The following ELFN1 variants were observed in gnomAD, a reference collection of about 807,000 sequenced individuals.
ELFN1 encodes extracellular leucine rich repeat and fibronectin type III domain containing 1.
A neutral mutation model predicts 7.6 loss-of-function variants in ELFN1; 6 were observed. The observed-to-expected ratio is 0.79, with a 90% confidence interval of 0.43 to 1.56. ELFN1 has a LOEUF of 1.56. ELFN1 is among the 40% of genes most tolerant of loss of function. The pLI is 0.01. For missense variants in ELFN1, 1,169 were observed against 1,232.2 expected (o/e 0.95, Z 0.77); for synonymous variants, 657 against 588.1 (o/e 1.12, Z -1.70).
intron 1 of ELFN1, among the ~76,000 whole-genome samples, chr7:1,685,775 T>C: frequency 6.7e-6 from 1 of 149,122 alleles, no homozygotes; most frequent in Non-Finnish European, 1.5e-5. Context: ...ATATAAACCG[T>C]TGAAAGATTT....
At chr7:1,723,684 G>A (rs538193233) in intron 3 of ELFN1, among the ~76,000 whole-genome samples, 3 of 152,238 alleles carry the variant, frequency 2.0e-5, no homozygotes, top group South Asian at 2.1e-4. Flanking sequence ...CGTGGGCCAC[G>A]AGCATCTTTG....
chr7:1,737,298 T>C (rs948475767), intron 3 of ELFN1, among the ~76,000 whole-genome samples: 2 of 152,044 alleles, frequency 1.3e-5, no homozygotes, highest in African/African-American at 4.8e-5. Context: ...GGCCCCGTGG[T>C]TCCTAGATGT....
upstream of ELFN1, among the ~76,000 whole-genome samples, chr7:1,667,528 G>A (rs1268882004): frequency 1.3e-5 from 2 of 152,174 alleles, no homozygotes; most frequent in Admixed American, 6.5e-5. This position sits in a 1 kb window ranked among gnomAD's most constrained non-coding sequence, Gnocchi z 8.2. Context: ...CGAGGGCCCA[G>A]GAGGGTTCGG....
chr7:1,695,167 C>T lies in ELFN1; in HGVS notation c.-456+7017C>T, dbSNP rs943953464. Among the ~76,000 whole-genome samples the T allele has an allele frequency of 6.6e-6, 1 of 152,232 alleles. No individual in the cohort carries two copies. Among genetic ancestry groups the T allele is most frequent in the Non-Finnish European group, 1.5e-5 (1 of 68,048 alleles). On this transcript the variant is annotated intron_variant, in intron 2 of 3. Transcript: ENST00000424383. This position sits in a 1 kb window ranked among gnomAD's most constrained non-coding sequence, Gnocchi z 5.1. The stretch of plus-strand genomic sequence containing the variant: ...CTGTGGCTCCAGAGCTCATGCGCAG[C>T]CCGCTGGGGCTGTGAGGGTTCTGTC...
At chr7:1,713,983 G>A (rs1470300298) in intron 3 of ELFN1, among the ~76,000 whole-genome samples, 7 of 152,154 alleles carry the variant, frequency 4.6e-5, no homozygotes, top group African/African-American at 1.4e-4. Flanking sequence ...TCAGCTGGCG[G>A]CTGCTGAGCA....
chr7:1,742,261 T>A (rs905868093), intron 3 of ELFN1: 1 of 152,372 alleles, frequency 6.6e-6, no homozygotes, highest in Admixed American at 6.5e-5. Context: ...CGATTGTGGC[T>A]GAGGCGCCAC....
intron 1 of ELFN1, among the ~76,000 whole-genome samples, chr7:1,675,002 G>T (rs1237444415): frequency 1.1e-5 from 1 of 91,242 alleles, no homozygotes; most frequent in African/African-American, 6.5e-5. Flanking sequence ...TGGTATCTGG[G>T]CTCAGCCCTG....
At chr7:1,718,940 T>C (rs536781482) in intron 3 of ELFN1, among the ~76,000 whole-genome samples, 1 of 152,126 alleles carries the variant, frequency 6.6e-6, no homozygotes, top group South Asian at 2.1e-4. Context: ...CAGGGGTTCT[T>C]AGGATGGGAT....
At chr7:1,703,924 G>A (rs1382626283) in intron 2 of ELFN1, among the ~76,000 whole-genome samples, 1 of 152,208 alleles carries the variant, frequency 6.6e-6, no homozygotes, top group African/African-American at 2.4e-5. Context: ...GTGCTGGGGG[G>A]TTTGTCCTGC....
chr7:1,666,307 G>A (rs951269805), upstream of ELFN1, among the ~76,000 whole-genome samples: 8 of 151,774 alleles, frequency 5.3e-5, no homozygotes, highest in African/African-American at 1.7e-4. The surrounding 1 kb of genome is among the most constrained non-coding windows in gnomAD (Gnocchi z 7.9). Flanking sequence ...GGGGGGCAGC[G>A]CAGGGTCCCC....
In ELFN1 at chr7:1,673,080, C is replaced by T. The variant is rs976660507; in HGVS notation, c.-549+2726C>T. Among the ~76,000 whole-genome samples the T allele has an allele frequency of 6.8e-4, 67 of 99,082 alleles. No homozygotes were observed. Among genetic ancestry groups the T allele is most frequent in the Non-Finnish European group, 1.1e-3 (59 of 54,706 alleles). The allele number at this position is 99,082 out of a possible 152,430, so 65.0% of individuals were successfully genotyped here. ...GACATTGGATACATTTGTCATCTCT[C>T]CAGCGCCCCCCCCCGCTCTTTCCTT... On this transcript the variant is annotated intron_variant, in intron 1 of 3. Transcript: ENST00000424383. The surrounding 1 kb of genome is among the most constrained non-coding windows in gnomAD (Gnocchi z 4.7).
At chr7:1,686,323 T>TG (rs1779062527) in intron 1 of ELFN1, among the ~76,000 whole-genome samples, 1 of 149,914 alleles carries the variant, frequency 6.7e-6, no homozygotes, top group South Asian at 2.2e-4. Context: ...TTTTTTTTTT[T>TG]TTTTTTTGAG....
intron 2 of ELFN1, among the ~76,000 whole-genome samples, chr7:1,707,927 GGGGGGCCCCTCCT>G (rs1779569737): frequency 6.6e-6 from 1 of 152,108 alleles, no homozygotes; most frequent in Admixed American, 6.5e-5. Context: ...CAGACAGACC[GGGGGGCCCCTCCT>G]GGCCCCCACT....
intron 1 of ELFN1, among the ~76,000 whole-genome samples, chr7:1,679,376 AGCCTGGGGGT>A (rs1194862713): frequency 6.6e-6 from 1 of 152,096 alleles, no homozygotes; most frequent in Non-Finnish European, 1.5e-5. Context: ...GACCTCCCCA[AGCCTGGGGGT>A]GCCTGGCCTG....
chr7:1,676,522 C>G (rs777589132), intron 1 of ELFN1, among the ~76,000 whole-genome samples: 1 of 152,158 alleles, frequency 6.6e-6, no homozygotes, highest in Non-Finnish European at 1.5e-5. Flanking sequence ...ATGGCTGACA[C>G]CAGTTCTGGA....
At chr7:1,680,739 T>A (rs1241015427) in intron 1 of ELFN1, among the ~76,000 whole-genome samples, 1 of 137,284 alleles carries the variant, frequency 7.3e-6, no homozygotes, top group Non-Finnish European at 1.5e-5. Context: ...GATTTACAAT[T>A]TTTTTTTTTT....
At chr7:1,706,999 CAT>C (rs1779545576) in intron 2 of ELFN1, among the ~76,000 whole-genome samples, 1 of 152,218 alleles carries the variant, frequency 6.6e-6, no homozygotes, top group African/African-American at 2.4e-5. Context: ...CATGTGTACA[CAT>C]GTGCAACACA....
At position 1,744,867 on chromosome 7, in the gene ELFN1, C is replaced by T; in HGVS notation, c.271C>T (p.Leu91Phe). 6.4e-7 allele frequency: 1 copy of T among 1,573,314 alleles called. No individual in the cohort carries two copies. Among genetic ancestry groups the T allele is most frequent in the Non-Finnish European group, 8.6e-7 (1 of 1,158,560 alleles). Residue 91 changes from leucine (L) to phenylalanine (F), a missense_variant, in exon 4 of 4, where the codon CTC becomes TTC. By Grantham distance (22) the Leu-to-Phe change is conservative. Coordinates refer to ENST00000424383, the MANE Select transcript of ELFN1 (RefSeq NM_001128636.4). ...CTTTGGCAACCTCACGTACCTCAACCTCACCAAGAACGAGATCGGCTACAT... is the reference window on the plus strand; with the variant it reads ...CTTTGGCAACCTCACGTACCTCAACTTCACCAAGAACGAGATCGGCTACAT... ...SRFGNLTYLN[L>F]TKNEIGYIED...
intron 2 of ELFN1, among the ~76,000 whole-genome samples, chr7:1,706,343 A>G (rs983673999): frequency 1.2e-4 from 19 of 152,078 alleles, no homozygotes; most frequent in African/African-American, 4.6e-4. Flanking sequence ...AATTGCTTGA[A>G]CCCAGGAGGC....
Sources: allele counts gnomAD v4.1 joint callset (sites outside exome capture counted in the v4.1 genomes callset), GRCh38; gene constraint gnomAD v4.1.1; non-coding constraint Gnocchi (gnomAD v3.1); transcripts MANE v1.5; gene names NCBI Gene and HGNC (gene_info 2026-07-23, HGNC 2026-07-21).